PCDHA1: variants seen among roughly 807,000 people sequenced by gnomAD.
The protein encoded by PCDHA1 is protocadherin alpha-1.
PCDHA1 carries 42 observed loss-of-function variants against 61.3 expected under a neutral mutation model. The ratio of observed to expected loss-of-function variants is 0.69; its 90% CI spans 0.54 to 0.89. PCDHA1 has a LOEUF of 0.89. PCDHA1 is among the 40% of genes least tolerant of loss of function. The pLI is 0.00. For synonymous variants in PCDHA1, 610 were observed against 553.8 expected, an observed-to-expected ratio of 1.10 and a Z score of -1.43; for missense variants, 1,256 against 1,235.3, an observed-to-expected ratio of 1.02 and a Z score of -0.25.
intron 1 of PCDHA1, chr5:140,807,432 G>A (rs1554124011): frequency 1.3e-6 from 2 of 1,599,340 alleles, no homozygotes; most frequent in African/African-American, 1.4e-5. Context: ...CTGCAGAATG[G>A]CATTTTGTTT....
At chr5:140,847,798 C>G (rs1359098048) in intron 1 of PCDHA1, 1 of 149,600 alleles carries the variant, frequency 6.7e-6, no homozygotes, top group Non-Finnish European at 1.5e-5. Context: ...TATTTTATAC[C>G]TTTTCAATTC....
At chr5:140,870,069 A>G (rs376226695) in intron 1 of PCDHA1, 43 of 1,613,780 alleles carry the variant, frequency 2.7e-5, no homozygotes, top group Non-Finnish European at 3.4e-5. Flanking sequence ...TACAGGCTAC[A>G]GATAAGGGGA....
intron 1 of PCDHA1, chr5:140,841,964 A>G (rs2150326449): frequency 6.2e-7 from 1 of 1,613,930 alleles, no homozygotes; most frequent in East Asian, 2.2e-5. Context: ...CCTGACAGCC[A>G]CAGATGGGGG....
intron 1 of PCDHA1, chr5:140,850,913 T>G: frequency 6.5e-7 from 1 of 1,539,368 alleles, no homozygotes; most frequent in East Asian, 2.3e-5. Flanking sequence ...GCATTTTATT[T>G]ATTTATATAA....
intron 2 of PCDHA1, among the ~76,000 whole-genome samples, chr5:140,979,231 C>T (rs1203154373): frequency 6.6e-6 from 1 of 152,186 alleles, no homozygotes; most frequent in Non-Finnish European, 1.5e-5. Context: ...TCTGTAAAAT[C>T]ACAGAAACAG....
In PCDHA1 at chr5:140,876,844, C is replaced by A. The variant is rs200154646; in HGVS notation, c.2394+88160C>A. ...CGACAATGCGCCTGCGTTCGCGCAGCCCGAGTACACAGTGTTCGTGAAGGA... is the reference window on the plus strand; with the variant it reads ...CGACAATGCGCCTGCGTTCGCGCAGACCGAGTACACAGTGTTCGTGAAGGA... On this transcript the variant is annotated intron_variant, in intron 1 of 3. Coordinates refer to ENST00000504120, the MANE Select transcript of PCDHA1 (RefSeq NM_018900.4). The A allele has an allele frequency of 3.6e-5, 58 of 1,614,134 alleles. No homozygotes were observed. In the East Asian group the frequency reaches 1.2e-3, roughly 32 times the overall value.
chr5:140,928,219 C>T (rs2153594773), intron 1 of PCDHA1: 1 of 1,614,166 alleles, frequency 6.2e-7, no homozygotes, highest in African/African-American at 1.3e-5. Flanking sequence ...TGACAATACA[C>T]CAAACTTTCC....
Position 140,906,278 on chromosome 5 carries a change from C to T in PCDHA1, c.2395-72671C>T, listed in dbSNP as rs546102354. On this transcript the variant is annotated intron_variant, in intron 1 of 3. Coordinates refer to ENST00000504120, the MANE Select transcript of PCDHA1 (RefSeq NM_018900.4). ...ACCTCCTGAAATTATAGATAATCTT[C>T]AAATTAAGACAATAATAAGGTCATA... Among the ~76,000 whole-genome samples the T allele has an allele frequency of 4.6e-5, 7 of 152,270 alleles. No homozygotes were observed. In the South Asian group the frequency reaches 6.2e-4, roughly 14 times the overall value.
chr5:140,992,789 T>G (rs2097528439), intron 3 of PCDHA1, among the ~76,000 whole-genome samples: 1 of 152,148 alleles, frequency 6.6e-6, no homozygotes, highest in Admixed American at 6.5e-5. Flanking sequence ...AGGGTCAATT[T>G]TATGGATCCA....
intron 1 of PCDHA1, among the ~76,000 whole-genome samples, chr5:140,932,340 C>G (rs1339952181): frequency 6.6e-6 from 1 of 151,864 alleles, no homozygotes; most frequent in Non-Finnish European, 1.5e-5. Flanking sequence ...GCATGAAACA[C>G]TTACCATACA....
chr5:140,974,350 C>A (rs555781549), intron 1 of PCDHA1, among the ~76,000 whole-genome samples: 1 of 152,186 alleles, frequency 6.6e-6, no homozygotes, highest in African/African-American at 2.4e-5. Context: ...GCATCCAGAA[C>A]TAAACAGACC....
intron 1 of PCDHA1, chr5:140,822,672 TG>T: frequency 6.2e-7 from 1 of 1,608,506 alleles, no homozygotes; most frequent in Non-Finnish European, 8.5e-7. Context: ...CTAATACTGG[TG>T]AAATAAAAGT....
intron 1 of PCDHA1, chr5:140,861,381 G>T: frequency 2.3e-6 from 1 of 433,922 alleles, no homozygotes; most frequent in African/African-American, 2.0e-5. Context: ...TATTGCGCAG[G>T]ACCTGGGTCT....
rs782070226 is a variant in PCDHA1 at position 141,010,142 on chromosome 5, C to G, written c.*205C>G. 1 of 1,588,326 alleles carries G rather than the reference C, an allele frequency of 6.3e-7. No homozygotes were observed. Among genetic ancestry groups the G allele is most frequent in the South Asian group, 1.1e-5 (1 of 88,492 alleles). On this transcript the variant is annotated 3_prime_UTR_variant, in exon 4 of 4. Transcript: ENST00000504120. ...TTACTAAGTCTGGTGTTAACTCTTTCTCTCCACTCTGGCTTGTTTTCAGAA... is the reference window on the plus strand; with the variant it reads ...TTACTAAGTCTGGTGTTAACTCTTTGTCTCCACTCTGGCTTGTTTTCAGAA...
chr5:140,908,492 T>G (rs1241563422), intron 1 of PCDHA1, among the ~76,000 whole-genome samples: 3 of 152,226 alleles, frequency 2.0e-5, no homozygotes, highest in African/African-American at 7.2e-5. Context: ...CAGTTCAGGT[T>G]GCTTGGTGAC....
At chr5:140,999,554 G>T (rs2097862771) in intron 3 of PCDHA1, among the ~76,000 whole-genome samples, 1 of 152,158 alleles carries the variant, frequency 6.6e-6, no homozygotes, top group Non-Finnish European at 1.5e-5. Context: ...TGAAGAGGGG[G>T]TATTTTGAGA....
chr5:140,809,172 C>A (rs782188990), intron 1 of PCDHA1: 1 of 1,613,882 alleles, frequency 6.2e-7, no homozygotes, highest in East Asian at 2.2e-5. Flanking sequence ...CTGACGGCCA[C>A]GGCCACTGTG....
intron 1 of PCDHA1, among the ~76,000 whole-genome samples, chr5:140,973,003 C>T (rs1417207719): frequency 4.0e-5 from 6 of 151,856 alleles, no homozygotes; most frequent in African/African-American, 7.3e-5. Flanking sequence ...CATTTGTGGT[C>T]GTGGTGTTGT....
At chr5:140,975,938 T>C (rs2096690603) in intron 1 of PCDHA1, among the ~76,000 whole-genome samples, 1 of 152,160 alleles carries the variant, frequency 6.6e-6, no homozygotes, top group Admixed American at 6.5e-5. Context: ...TTTGAAGCAA[T>C]AGGACATATT....
Sources: gnomAD v4.1 joint callset for allele counts (sites outside exome capture counted in the v4.1 genomes callset) on GRCh38, gnomAD v4.1.1 for gene constraint, MANE v1.5 for transcripts, NCBI Gene and HGNC (gene_info 2026-07-23, HGNC 2026-07-21) for gene names.